Variants in NLK observed in about 807,000 individuals in gnomAD.
NLK encodes the protein serine/threonine-protein kinase NLK.
In NLK, 11 loss-of-function variants were observed where a neutral mutation model predicts 59.0. The observed-to-expected ratio is 0.19, with a 90% CI of 0.12 to 0.31. NLK has a LOEUF of 0.31. NLK is among the 10% of genes least tolerant of loss of function. The pLI is 1.00. For synonymous variants in NLK, 235 were observed against 235.9 expected (o/e 1.00, Z 0.03); for missense variants, 410 against 661.1 (o/e 0.62, Z 4.16).
chr17:28,084,512 G>C (rs2142769516), intron 1 of NLK, among the ~76,000 whole-genome samples: 1 of 152,080 alleles, frequency 6.6e-6, no homozygotes, highest in Non-Finnish European at 1.5e-5. Context: ...CCAGGCTTCT[G>C]AATTGCCTGG....
At chr17:28,120,251 TG>T (rs1905974018) in intron 1 of NLK, among the ~76,000 whole-genome samples, 1 of 142,550 alleles carries the variant, frequency 7.0e-6, no homozygotes, top group Non-Finnish European at 1.5e-5. Context: ...TGTGTGTGTG[TG>T]TGTGTGTGTG....
At chr17:28,160,488 C>T (rs972657282) in intron 3 of NLK, among the ~76,000 whole-genome samples, 2 of 152,160 alleles carry the variant, frequency 1.3e-5, no homozygotes, top group African/African-American at 2.4e-5. Context: ...CTCCATGGCT[C>T]CCCAGGCTCC....
chr17:28,188,481 A>T (rs745451498), intron 8 of NLK, among the ~76,000 whole-genome samples: 18 of 152,116 alleles, frequency 1.2e-4, no homozygotes, highest in Non-Finnish European at 2.1e-4. Flanking sequence ...TAAGAAAGAA[A>T]TGAGGTGTGT....
intron 1 of NLK, among the ~76,000 whole-genome samples, chr17:28,079,862 T>C (rs1046562860): frequency 1.3e-5 from 2 of 152,228 alleles, no homozygotes; most frequent in Non-Finnish European, 2.9e-5. Flanking sequence ...TCTGTGCTTT[T>C]GGTATCATAT....
intron 1 of NLK, among the ~76,000 whole-genome samples, chr17:28,083,394 TA>T (rs1224389415): frequency 1.3e-5 from 2 of 152,204 alleles, no homozygotes; most frequent in Non-Finnish European, 2.9e-5. Context: ...TTATTTACAT[TA>T]TACTGATAAG....
chr17:28,111,924 T>G (rs1905534829), intron 1 of NLK, among the ~76,000 whole-genome samples: 2 of 148,848 alleles, frequency 1.3e-5, no homozygotes, highest in African/African-American at 2.5e-5. Context: ...TGTGTGTGTG[T>G]GTGTGTGTGT....
At chr17:28,194,170 T>G (rs527814309) in intron 10 of NLK, among the ~76,000 whole-genome samples, 1 of 152,246 alleles carries the variant, frequency 6.6e-6, no homozygotes, top group Non-Finnish European at 1.5e-5. Flanking sequence ...TTTTCCTGAT[T>G]GATTATTGAA....
Position 28,132,693 on chromosome 17 carries a change from T to C in NLK, c.644+18T>C, listed in dbSNP as rs777396263. The C allele has an allele frequency of 6.3e-7, 1 of 1,596,408 alleles. No individual in the cohort carries two copies. Among genetic ancestry groups the C allele is most frequent in the Non-Finnish European group, 8.6e-7 (1 of 1,168,096 alleles). ...GAAGAAATGTATCCTAACCAGGGAATGTGAAAGAAGGGGACAATTTTTAAA... is the reference window on the plus strand; with the variant it reads ...GAAGAAATGTATCCTAACCAGGGAACGTGAAAGAAGGGGACAATTTTTAAA... On this transcript the variant is annotated intron_variant, in intron 3 of 10. Coordinates refer to ENST00000407008, the MANE Select transcript of NLK (RefSeq NM_016231.5).
intron 3 of NLK, among the ~76,000 whole-genome samples, chr17:28,154,153 A>G (rs1388551393): frequency 6.6e-6 from 1 of 152,212 alleles, no homozygotes; most frequent in Non-Finnish European, 1.5e-5. Context: ...GGCAGTAATG[A>G]GAACCCAGAA....
At chr17:28,156,442 CAA>C (rs1249172211) in intron 3 of NLK, among the ~76,000 whole-genome samples, 2 of 152,148 alleles carry the variant, frequency 1.3e-5, no homozygotes, top group Non-Finnish European at 1.5e-5. Flanking sequence ...CTGATTGCCT[CAA>C]GAGTCACTTT....
the NLK span, among the ~76,000 whole-genome samples, chr17:28,202,409 C>T: frequency 6.6e-6 from 1 of 152,054 alleles, no homozygotes; most frequent in Non-Finnish European, 1.5e-5. Context: ...GATCCACTCA[C>T]CTCAGCCTCC....
chr17:28,165,941 G>A (rs1474903479), intron 5 of NLK, among the ~76,000 whole-genome samples: 1 of 152,214 alleles, frequency 6.6e-6, no homozygotes, highest in Non-Finnish European at 1.5e-5. Flanking sequence ...TTTTGGCCGG[G>A]CGCAGTGGCT....
At chr17:28,151,130 C>T (rs12601633) in intron 3 of NLK, among the ~76,000 whole-genome samples, 11,458 of 152,186 alleles carry the variant, frequency 0.075, 735 homozygotes, top group East Asian at 0.34. Context: ...GTCAAGAGAG[C>T]TTTATTTAAT....
chr17:28,054,151 A>G (rs775873125), intron 1 of NLK, among the ~76,000 whole-genome samples: 12 of 152,212 alleles, frequency 7.9e-5, no homozygotes, highest in Non-Finnish European at 1.6e-4. Flanking sequence ...TTGGCAAGTA[A>G]TGTGGTTATT....
chr17:28,094,973 T>C (rs929493089), intron 1 of NLK, among the ~76,000 whole-genome samples: 2 of 152,202 alleles, frequency 1.3e-5, no homozygotes, highest in African/African-American at 4.8e-5. Flanking sequence ...AGCTCTTCTT[T>C]AACCAAAGAG....
At chr17:28,125,558 GA>G (rs1163027606) in intron 2 of NLK, among the ~76,000 whole-genome samples, 1 of 152,142 alleles carries the variant, frequency 6.6e-6, no homozygotes, top group Non-Finnish European at 1.5e-5. Context: ...TGACATCTGT[GA>G]AAGTGTTTAA....
At chr17:28,117,060 C>T (rs1049559086) in intron 1 of NLK, among the ~76,000 whole-genome samples, 2 of 152,106 alleles carry the variant, frequency 1.3e-5, no homozygotes, top group African/African-American at 4.8e-5. Context: ...TGAAAACTTC[C>T]TAGACTTGGC....
chr17:28,168,743 C>G (rs556385748), intron 6 of NLK, 86 bp downstream of exon 6: 1 of 1,005,660 alleles, frequency 9.9e-7, no homozygotes, highest in African/African-American at 1.6e-5. Context: ...TGGGCTTATT[C>G]ATTATACTGT....
intron 4 of NLK, among the ~76,000 whole-genome samples, chr17:28,162,413 A>G (rs1004135904): frequency 2.0e-5 from 3 of 152,266 alleles, no homozygotes. Flanking sequence ...CGGGCAGATC[A>G]TCTGAGGTCA....
Sources: allele counts gnomAD v4.1 joint callset (sites outside exome capture counted in the v4.1 genomes callset), GRCh38; gene constraint gnomAD v4.1.1; transcripts MANE v1.5; gene names NCBI Gene and HGNC (gene_info 2026-07-23, HGNC 2026-07-21).